Variants in PHYHIPL observed in about 807,000 individuals in gnomAD.
The protein encoded by PHYHIPL is phytanoyl-CoA 2-hydroxylase interacting protein like, also known as phytanoyl-CoA hydroxylase-interacting protein-like.
A neutral mutation model predicts 33.4 loss-of-function variants in PHYHIPL; 9 were observed. The observed-to-expected ratio is 0.27, with a 90% CI of 0.16 to 0.47. The LOEUF (loss-of-function observed/expected upper bound fraction) is 0.47. Ranked by LOEUF, PHYHIPL falls within the 20% of genes least tolerant of loss-of-function variation. The probability of loss-of-function intolerance (pLI) is 0.99; values close to 1 mark genes in which losing one functional copy is unlikely to be tolerated. For missense variants in PHYHIPL, 365 were observed against 460.7 expected (o/e 0.79, Z 1.90); for synonymous variants, 153 against 154.1 (o/e 0.99, Z 0.05).
At chr10:59,188,825 CTTCCTCCA>C (rs1251292072) in intron 1 of PHYHIPL, among the ~76,000 whole-genome samples, 1 of 152,034 alleles carries the variant, frequency 6.6e-6, no homozygotes, top group Non-Finnish European at 1.5e-5. Context: ...CTTGGTAGAT[CTTCCTCCA>C]TCCCTTTATT....
chr10:59,202,985 T>C lies in PHYHIPL; in HGVS notation c.106+26026T>C, dbSNP rs1839167073. ...CCATAACTTCTGCAGAATATAGTGA[T>C]TACTAAAAAGGCCATAGATTGCAAT... is the stretch of plus-strand genomic sequence containing the variant. On this transcript the variant is annotated intron_variant, in intron 1 of 4. Transcript: ENST00000373880. Among the ~76,000 whole-genome samples, 3 of 151,804 alleles carry C rather than the reference T, an allele frequency of 2.0e-5. No individual in the cohort carries two copies. In the South Asian group the frequency reaches 6.2e-4, roughly 31 times the overall value.
At chr10:59,217,265 A>AT (rs1333450757) in intron 1 of PHYHIPL, among the ~76,000 whole-genome samples, 1 of 152,100 alleles carries the variant, frequency 6.6e-6, no homozygotes, top group Non-Finnish European at 1.5e-5. Context: ...GTGCTGATCA[A>AT]TTTTTTAAGC....
At chr10:59,220,756 C>T (rs1839747033) in intron 1 of PHYHIPL, among the ~76,000 whole-genome samples, 1 of 152,008 alleles carries the variant, frequency 6.6e-6, no homozygotes, top group Non-Finnish European at 1.5e-5. Context: ...GGAACCTGTA[C>T]TTGAATGCCA....
intron 1 of PHYHIPL, chr10:59,177,713 C>T (rs1838291471): frequency 7.1e-7 from 1 of 1,406,434 alleles, no homozygotes; most frequent in South Asian, 1.2e-5. Flanking sequence ...CAGGTCTGAG[C>T]GTTGAAGACA....
intron 1 of PHYHIPL, among the ~76,000 whole-genome samples, chr10:59,181,627 C>A (rs1838413573): frequency 6.6e-6 from 1 of 152,122 alleles, no homozygotes; most frequent in South Asian, 2.1e-4. Context: ...CAAGGATAGA[C>A]ATGTACTAGG....
At chr10:59,244,022 C>T (rs942849729) in intron 4 of PHYHIPL, among the ~76,000 whole-genome samples, 1 of 152,076 alleles carries the variant, frequency 6.6e-6, no homozygotes, top group South Asian at 2.1e-4. Flanking sequence ...TGCCCTAAAG[C>T]GTGGAGGAAA....
chr10:59,245,412 G>A lies in PHYHIPL; in HGVS notation c.952G>A (p.Gly318Arg). 1 of 1,614,100 alleles carries A rather than the reference G, an allele frequency of 6.2e-7. No homozygotes were observed. The highest frequency in any genetic ancestry group is 8.5e-7 in the Non-Finnish European group (1 of 1,180,014). ...ATTTTTGACCTGTACAGAAGAAGAT[G>A]GGGTGCTGGTTTACCACCATGCCCA... The part of the protein sequence containing the change: ...NKFLTCTEED[G>R]VLVYHHAQDV... The change falls in exon 5 of 5, where the codon GGG (glycine) becomes AGG (arginine). Residue 318 changes from glycine (G) to arginine (R), a missense_variant. Gly to Arg is a moderately radical substitution (Grantham distance 125). Around this residue, in one of 4 missense-constraint regions of PHYHIPL, gnomAD observed 196 missense variants for 224.9 expected, o/e 0.87. Transcript: ENST00000373880.
At chr10:59,193,754 T>A (rs2133203870) in intron 1 of PHYHIPL, among the ~76,000 whole-genome samples, 1 of 152,322 alleles carries the variant, frequency 6.6e-6, no homozygotes, top group Non-Finnish European at 1.5e-5. Flanking sequence ...AGCCTATTTC[T>A]ATATATTTTC....
At chr10:59,191,223 G>C (rs372175997) in intron 1 of PHYHIPL, among the ~76,000 whole-genome samples, 2 of 151,988 alleles carry the variant, frequency 1.3e-5, no homozygotes, top group African/African-American at 4.8e-5. Flanking sequence ...TTCTCATTGA[G>C]TTAAATTGGA....
intron 1 of PHYHIPL, among the ~76,000 whole-genome samples, chr10:59,191,888 G>C (rs888606289): frequency 6.4e-5 from 9 of 141,210 alleles, no homozygotes; most frequent in Non-Finnish European, 1.0e-4. Context: ...TCCCAAACAA[G>C]AATAACTTTA....
At chr10:59,217,950 A>G (rs972727365) in intron 1 of PHYHIPL, among the ~76,000 whole-genome samples, 26 of 150,930 alleles carry the variant, frequency 1.7e-4, no homozygotes, top group Admixed American at 1.2e-3. Context: ...TTTATACTCT[A>G]TTCATTCATT....
chr10:59,204,196 T>C (rs931443281), intron 1 of PHYHIPL, among the ~76,000 whole-genome samples: 4 of 152,196 alleles, frequency 2.6e-5, no homozygotes, highest in African/African-American at 9.6e-5. Flanking sequence ...AAGTATGTTT[T>C]CAGCATGTAG....
chr10:59,244,378 A>G (rs1840550972), intron 4 of PHYHIPL, among the ~76,000 whole-genome samples: 1 of 152,002 alleles, frequency 6.6e-6, no homozygotes, highest in African/African-American at 2.4e-5. Flanking sequence ...ATCCTGGCCA[A>G]CGTGGTGAAA....
intron 1 of PHYHIPL, among the ~76,000 whole-genome samples, chr10:59,229,370 A>G (rs1158142600): frequency 2.0e-5 from 3 of 152,156 alleles, no homozygotes; most frequent in Non-Finnish European, 4.4e-5. Context: ...ATTATGGTGA[A>G]TGATTTCTAT....
In PHYHIPL at chr10:59,201,318, C is replaced by T. The variant is rs539912155; in HGVS notation, c.106+24359C>T. ...TTCTGCCTTCATTTTGTTATGTACC[C>T]GGTAGTCATTCAGGAACAGGTTGTT... On this transcript the variant is annotated intron_variant, in intron 1 of 4. Coordinates refer to ENST00000373880, the MANE Select transcript of PHYHIPL (RefSeq NM_032439.4). Among the ~76,000 whole-genome samples, 175 of 152,226 alleles carry T rather than the reference C, an allele frequency of 1.1e-3. 3 individuals are homozygous for T. Among genetic ancestry groups the T allele is most frequent in the Non-Finnish European group, 1.7e-3 (114 of 68,014 alleles).
intron 1 of PHYHIPL, among the ~76,000 whole-genome samples, chr10:59,208,901 A>G (rs920521366): frequency 2.0e-5 from 3 of 152,132 alleles, no homozygotes; most frequent in Admixed American, 6.5e-5. Flanking sequence ...GGAACAAACA[A>G]ACCCTCCAAG....
At chr10:59,189,524 T>G (rs1295374498) in intron 1 of PHYHIPL, among the ~76,000 whole-genome samples, 1 of 152,036 alleles carries the variant, frequency 6.6e-6, no homozygotes, top group Non-Finnish European at 1.5e-5. Context: ...CTTTGTTTTC[T>G]TTTGTTCTTC....
intron 4 of PHYHIPL, among the ~76,000 whole-genome samples, chr10:59,242,517 G>A (rs1840437636): frequency 6.6e-6 from 1 of 151,990 alleles, no homozygotes; most frequent in East Asian, 1.9e-4. Flanking sequence ...TGGAACTCAG[G>A]TATCACACCA....
At chr10:59,242,184 T>C (rs1479640120) in intron 4 of PHYHIPL, among the ~76,000 whole-genome samples, 3 of 152,086 alleles carry the variant, frequency 2.0e-5, no homozygotes, top group African/African-American at 7.2e-5. Flanking sequence ...CCAAAGAAAA[T>C]GAGGCTTGCC....
Sources: gnomAD v4.1 joint callset for allele counts (sites outside exome capture counted in the v4.1 genomes callset) on GRCh38, gnomAD v4.1.1 for gene constraint, gnomAD v4.1.1 regional missense constraint, MANE v1.5 for transcripts, NCBI Gene and HGNC (gene_info 2026-07-23, HGNC 2026-07-21) for gene names.